Variants in FAM13A observed in about 807,000 individuals in gnomAD.
The protein encoded by FAM13A is protein FAM13A.
In FAM13A, 76 loss-of-function variants were observed where a neutral mutation model predicts 129.6. The ratio of observed to expected loss-of-function variants is 0.59; its 90% CI spans 0.49 to 0.71. The LOEUF is 0.71. Among genes scored for constraint, FAM13A ranks in the 30% least tolerant of loss-of-function variants. The pLI, the probability that FAM13A is intolerant of heterozygous loss-of-function variation, is 0.00. For missense variants in FAM13A, 1,108 were observed against 1,249.3 expected (o/e 0.89, Z 1.70); for synonymous variants, 443 against 449.9 (o/e 0.98, Z 0.20).
chr4:88,908,701 CA>C (rs1349543200), intron 5 of FAM13A, among the ~76,000 whole-genome samples: 3 of 152,102 alleles, frequency 2.0e-5, no homozygotes, highest in Admixed American at 1.3e-4. Context: ...ACAATACAGA[CA>C]AAGTAAAGTT....
At chr4:88,936,959 A>G (rs1258726450) in intron 5 of FAM13A, 1 of 152,150 alleles carries the variant, frequency 6.6e-6, no homozygotes, top group Non-Finnish European at 1.5e-5. Flanking sequence ...AACAAACTTG[A>G]GGGCGATTTT....
At chr4:88,900,488 A>G (rs537957487) in intron 6 of FAM13A, among the ~76,000 whole-genome samples, 14 of 152,270 alleles carry the variant, frequency 9.2e-5, no homozygotes, top group African/African-American at 3.4e-4. Context: ...TTAGGTACCA[A>G]TATTCAACAT....
chr4:88,954,332 T>C (rs1579471769), intron 4 of FAM13A, among the ~76,000 whole-genome samples: 1 of 152,224 alleles, frequency 6.6e-6, no homozygotes, highest in East Asian at 1.9e-4. Context: ...AATGCTACTG[T>C]CCAAAAAGAG....
At chr4:88,926,643 C>T (rs976147824) in intron 5 of FAM13A, among the ~76,000 whole-genome samples, 1 of 152,112 alleles carries the variant, frequency 6.6e-6, no homozygotes, top group African/African-American at 2.4e-5. Flanking sequence ...TACCTATAAT[C>T]GCTCTATAAA....
intron 4 of FAM13A, among the ~76,000 whole-genome samples, chr4:88,959,652 A>G (rs1202011653): frequency 6.6e-6 from 1 of 152,194 alleles, no homozygotes; most frequent in East Asian, 1.9e-4. Flanking sequence ...CCTTCACAAA[A>G]TACTCAGTCT....
At chr4:88,758,231 T>A (rs1006364768) in intron 14 of FAM13A, among the ~76,000 whole-genome samples, 1 of 152,152 alleles carries the variant, frequency 6.6e-6, no homozygotes, top group Non-Finnish European at 1.5e-5. Flanking sequence ...GTAAGATGCA[T>A]GTATTCAGTG....
intron 20 of FAM13A, 67 bp downstream of exon 20, chr4:88,738,963 T>G (rs1256842551): frequency 1.8e-5 from 18 of 973,312 alleles, no homozygotes; most frequent in Non-Finnish European, 2.9e-5. Context: ...TAGGGCCCTA[T>G]TCATATATCC....
At chr4:88,768,457 CTCTA>C (rs143370117) in intron 11 of FAM13A, 6,324 of 163,028 alleles carry the variant, frequency 0.039, 163 homozygotes, top group South Asian at 0.084. Flanking sequence ...TTTACTCTCT[CTCTA>C]TCTATCTATC....
intron 2 of FAM13A, among the ~76,000 whole-genome samples, chr4:89,028,627 A>C (rs1349917385): frequency 6.6e-6 from 1 of 152,124 alleles, no homozygotes; most frequent in African/African-American, 2.4e-5. Flanking sequence ...GAAGTATGAG[A>C]TTACAGTGAG....
intron 5 of FAM13A, among the ~76,000 whole-genome samples, chr4:88,926,125 C>T (rs1205159062): frequency 6.6e-6 from 1 of 151,972 alleles, no homozygotes; most frequent in African/African-American, 2.4e-5. Context: ...GGGGAGAGCT[C>T]GGGCAACAGT....
intron 4 of FAM13A, among the ~76,000 whole-genome samples, chr4:88,977,926 C>T (rs958731316): frequency 6.6e-6 from 1 of 152,116 alleles, no homozygotes; most frequent in African/African-American, 2.4e-5. Flanking sequence ...ATAATATCAT[C>T]TCCAATCAGT....
chr4:88,952,390 G>T (rs1757077808), intron 4 of FAM13A, among the ~76,000 whole-genome samples: 1 of 151,960 alleles, frequency 6.6e-6, no homozygotes, highest in African/African-American at 2.4e-5. Context: ...GTTGCATAAT[G>T]GCGGCTATCA....
chr4:88,917,247 G>T (rs1376226316), intron 5 of FAM13A, among the ~76,000 whole-genome samples: 1 of 152,186 alleles, frequency 6.6e-6, no homozygotes, highest in Non-Finnish European at 1.5e-5. Flanking sequence ...GCAAAAGGGA[G>T]CCAACCTGTG....
chr4:88,913,764 T>C (rs1267451188), intron 5 of FAM13A, among the ~76,000 whole-genome samples: 3 of 152,298 alleles, frequency 2.0e-5, no homozygotes, highest in Non-Finnish European at 4.4e-5. Flanking sequence ...ATCATTCACC[T>C]TCATGGCTTT....
At chr4:88,737,592 C>G in intron 20 of FAM13A, 37 bp from the exon 21 acceptor site, 1 of 1,557,302 alleles carries the variant, frequency 6.4e-7, no homozygotes, top group East Asian at 2.2e-5. Context: ...ACATTCCGAA[C>G]CCCTTTCCCT....
intron 7 of FAM13A, among the ~76,000 whole-genome samples, chr4:88,826,612 C>T (rs1733035435): frequency 6.6e-6 from 1 of 152,194 alleles, no homozygotes; most frequent in Non-Finnish European, 1.5e-5. Context: ...AACAGAACCT[C>T]TCTCACTCAC....
intron 7 of FAM13A, among the ~76,000 whole-genome samples, chr4:88,809,084 C>T (rs1287507465): frequency 1.3e-5 from 2 of 152,218 alleles, no homozygotes; most frequent in Non-Finnish European, 2.9e-5. Flanking sequence ...ATGAGTTACC[C>T]TAATTTCTAA....
At chr4:89,055,538 G>A (rs1004512764) in intron 1 of FAM13A, among the ~76,000 whole-genome samples, 1 of 152,108 alleles carries the variant, frequency 6.6e-6, no homozygotes, top group African/African-American at 2.4e-5. Flanking sequence ...GCAGGTCAAG[G>A]GAAAGAAGTA....
intron 19 of FAM13A, 48 bp downstream of exon 19, chr4:88,746,884 T>C (rs1176644624): frequency 1.6e-6 from 2 of 1,219,410 alleles, no homozygotes; most frequent in Admixed American, 1.7e-5. Flanking sequence ...AATCCATTTC[T>C]AAAGCCAGAT....
Sources: allele counts gnomAD v4.1 joint callset (sites outside exome capture counted in the v4.1 genomes callset), GRCh38; gene constraint gnomAD v4.1.1; transcripts MANE v1.5; gene names NCBI Gene and HGNC (gene_info 2026-07-23, HGNC 2026-07-21).